UBR4: variants seen among roughly 807,000 people sequenced by gnomAD.
UBR4 encodes E3 ubiquitin-protein ligase UBR4.
A neutral mutation model predicts 575.6 loss-of-function variants in UBR4; 124 were observed. That is an observed-to-expected ratio of 0.22 (90% CI 0.19 to 0.25). The LOEUF (loss-of-function observed/expected upper bound fraction) is 0.25. UBR4 is among the 10% of genes least tolerant of loss of function. The pLI is 1.00. For missense variants in UBR4, 4,818 were observed against 6,478.8 expected, an observed-to-expected ratio of 0.74 and a Z score of 8.80; for synonymous variants, 2,455 against 2,473.7, an observed-to-expected ratio of 0.99 and a Z score of 0.22.
intron 24 of UBR4, 25 bp from the exon 25 acceptor site, chr1:19,173,118 T>C: frequency 6.2e-7 from 1 of 1,613,662 alleles, no homozygotes; most frequent in Non-Finnish European, 8.5e-7. Context: ...AAAATATAAT[T>C]AGCTGTGGCA....
intron 13 of UBR4, 46 bp downstream of exon 13, chr1:19,187,118 A>T (rs2091622742): frequency 7.5e-6 from 11 of 1,473,292 alleles, no homozygotes; most frequent in South Asian, 1.3e-5. Context: ...CATATATATA[A>T]AATGAGACAT....
In UBR4 at chr1:19,174,523, A is replaced by G. The variant is rs554530210; in HGVS notation, c.2854-76T>C. 45 of 1,531,714 alleles carry G rather than the reference A, an allele frequency of 2.9e-5. No homozygotes were observed. In the East Asian group the frequency reaches 9.9e-4, roughly 34 times the overall value. The allele number at this position is 1,531,714 out of a possible 1,614,324, so 94.9% of individuals were successfully genotyped here. ...TCCTACTGCCTATACACTATCACTT[A>G]TCCTCATGATTGACAAAATATCCCA... On this transcript the variant is annotated intron_variant, in intron 21 of 105. Transcript: ENST00000375254.
chr1:19,105,009 A>G (rs2079035041), intron 85 of UBR4, 39 bp downstream of exon 85: 1 of 1,604,314 alleles, frequency 6.2e-7, no homozygotes, highest in African/African-American at 1.3e-5. Flanking sequence ...ACAAGGGGGA[A>G]TTAGGGAAGG....
intron 60 of UBR4, among the ~76,000 whole-genome samples, chr1:19,136,348 G>C (rs1206030718): frequency 6.6e-6 from 1 of 152,064 alleles, no homozygotes; most frequent in Non-Finnish European, 1.5e-5. Context: ...CATTAAAAAA[G>C]TTAAAACACA....
chr1:19,170,286 C>T (rs1320497844), intron 26 of UBR4, among the ~76,000 whole-genome samples: 4 of 152,188 alleles, frequency 2.6e-5, no homozygotes, highest in African/African-American at 9.7e-5. Flanking sequence ...GGGATCCCAG[C>T]TACTTGGGAG....
chr1:19,121,907 G>A (rs200005886), intron 67 of UBR4, 27 bp downstream of exon 67: 226 of 1,613,180 alleles, frequency 1.4e-4, no homozygotes, highest in Non-Finnish European at 1.9e-4. Flanking sequence ...ATGAATAACA[G>A]CAATCAAAAG....
chr1:19,155,416 AG>A, intron 43 of UBR4, 24 bp downstream of exon 43: 1 of 1,594,740 alleles, frequency 6.3e-7, no homozygotes, highest in South Asian at 1.1e-5. Flanking sequence ...CCGGAATAGA[AG>A]GAAATAGCAA....
At chr1:19,095,736 G>C in intron 92 of UBR4, 84 bp from the exon 93 acceptor site, 2 of 1,271,760 alleles carry the variant, frequency 1.6e-6, no homozygotes, top group Non-Finnish European at 2.3e-6. Flanking sequence ...TGTCTAAGCA[G>C]GGTCTACACC....
chr1:19,119,085 C>A, intron 70 of UBR4, 128 bp from the exon 71 acceptor site: 1 of 757,036 alleles, frequency 1.3e-6, no homozygotes, highest in African/African-American at 1.8e-5. Flanking sequence ...CAGAATCATA[C>A]AAAGCTGGGC....
At chr1:19,113,397 G>T in intron 77 of UBR4, 1 of 373,122 alleles carries the variant, frequency 2.7e-6, no homozygotes, top group Non-Finnish European at 4.8e-6. Context: ...AATTTTTTAA[G>T]ACCAGTAACC....
Position 19,093,559 on chromosome 1 carries a change from C to T in UBR4, c.13938-73G>A. The T allele has an allele frequency of 1.3e-6, 2 of 1,495,794 alleles. No homozygotes were observed. Among genetic ancestry groups the T allele is most frequent in the Non-Finnish European group, 1.8e-6 (2 of 1,089,226 alleles). 92.7% of individuals were successfully genotyped at this position (1,495,794 alleles called of 1,614,324 possible). A position where few individuals can be genotyped will look rare whatever the true frequency, so the allele number is the denominator to read the frequency against. ...CCAGTCATGTCACCCTCTTGGTTAACAACTGTCAACAGCCTATAGAAGATC... is the reference window on the plus strand; with the variant it reads ...CCAGTCATGTCACCCTCTTGGTTAATAACTGTCAACAGCCTATAGAAGATC... On this transcript the variant is annotated intron_variant, in intron 95 of 105. Transcript: ENST00000375254. The surrounding 1 kb of genome is among the most constrained non-coding windows in gnomAD (Gnocchi z 4.8).
Position 19,081,551 on chromosome 1 carries a change from C to T in UBR4, c.15031G>A (p.Glu5011Lys), listed in dbSNP as rs765133709. ...TCCAGAAAGCCTTGGAGGTTCTTCT[C>T]TTCTCGGGAAGTTGCTCGGGTTCTA... The part of the protein sequence containing the change: ...LNTTRATSRE[E>K]KNLQGFLEQP... The change falls in exon 103 of 106, where the codon GAG (glutamate) becomes AAG (lysine). Residue 5011 changes from glutamate to lysine, a missense_variant. Physicochemically the swap from Glu to Lys is moderately conservative, Grantham distance 56. Transcript: ENST00000375254. 1.2e-6 allele frequency: 2 copies of T among 1,614,090 alleles called. No individual in the cohort carries two copies. Among genetic ancestry groups the T allele is most frequent in the East Asian group, 2.2e-5 (1 of 44,858 alleles).
chr1:19,132,605 T>TAAAAAAAAAAAAAAAA, intron 60 of UBR4, among the ~76,000 whole-genome samples: 3 of 24,098 alleles, frequency 1.2e-4, no homozygotes, highest in African/African-American at 2.3e-4. Flanking sequence ...TAAAAAATGG[T>TAAAAAAAAAAAAAAAA]AAAAAAAAAA....
At chr1:19,099,299 G>A (rs1330313001) in intron 90 of UBR4, among the ~76,000 whole-genome samples, 1 of 152,188 alleles carries the variant, frequency 6.6e-6, no homozygotes, top group East Asian at 1.9e-4. Context: ...CCAGCACAGA[G>A]CCTCCTTCGA....
intron 1 of UBR4, among the ~76,000 whole-genome samples, chr1:19,207,063 A>G (rs1216241252): frequency 6.6e-6 from 1 of 152,246 alleles, no homozygotes; most frequent in Admixed American, 6.5e-5. Flanking sequence ...GGAAGCAGAG[A>G]GTAGTAGACT....
At position 19,100,991 on chromosome 1, in the gene UBR4, T is replaced by A. The variant is rs2078573064; in HGVS notation, c.13024-418A>T. Reference sequence around the variant, plus strand: ...AAGAAAAGGGCTTCTCTATGGGACATGACACTCAGGTACACACCCCCAATG... The same window carrying A: ...AAGAAAAGGGCTTCTCTATGGGACAAGACACTCAGGTACACACCCCCAATG... On this transcript the variant is annotated intron_variant, in intron 88 of 105. Transcript: ENST00000375254. The surrounding 1 kb of genome is among the most constrained non-coding windows in gnomAD (Gnocchi z 4.2). 6.6e-6 allele frequency among the ~76,000 whole-genome samples: 1 copy of A among 152,070 alleles called. No individual in the cohort carries two copies. The highest frequency in any genetic ancestry group is 2.1e-4 in the South Asian group (1 of 4,832).
chr1:19,148,505 C>T, intron 50 of UBR4, 58 bp downstream of exon 50: 1 of 1,606,372 alleles, frequency 6.2e-7, no homozygotes. Context: ...CCTCGGGCAA[C>T]TCCACTGACT....
rs1355510979 is a variant in UBR4, at chr1:19,191,982, A to G, written c.1394+206T>C. On this transcript the variant is annotated intron_variant, in intron 11 of 105. Transcript: ENST00000375254. The stretch of plus-strand genomic sequence containing the variant: ...TTTCCCCTTTGACAGATGAGGAAAT[A>G]GAATCAAAGAGAATGAGTGACTTAT... Among the ~76,000 whole-genome samples the G allele has an allele frequency of 2.6e-5, 4 of 152,208 alleles. No homozygotes were observed. The East Asian group carries it at 7.7e-4, about 29-fold the overall frequency.
chr1:19,087,773 C>G (rs1335465018), intron 99 of UBR4, 43 bp downstream of exon 99: 2 of 1,524,856 alleles, frequency 1.3e-6, no homozygotes, highest in Non-Finnish European at 1.8e-6. Flanking sequence ...AACAAGGGGT[C>G]AGGCTGGGCC....
Sources: gnomAD v4.1 joint callset for allele counts (sites outside exome capture counted in the v4.1 genomes callset) on GRCh38, gnomAD v4.1.1 for gene constraint, Gnocchi (gnomAD v3.1) non-coding constraint, MANE v1.5 for transcripts, NCBI Gene and HGNC (gene_info 2026-07-23, HGNC 2026-07-21) for gene names.